The following HGSNAT variants were observed in gnomAD, a reference collection of about 807,000 sequenced individuals.
The protein encoded by HGSNAT is heparan-alpha-glucosaminide N-acetyltransferase, also known as transmembrane protein 76.
In HGSNAT, 59 loss-of-function variants were observed where a neutral mutation model predicts 85.2. The observed-to-expected ratio is 0.69, with a 90% CI of 0.56 to 0.86. The LOEUF (loss-of-function observed/expected upper bound fraction) is 0.86. Ranked by LOEUF, HGSNAT falls within the 40% of genes least tolerant of loss-of-function variation. HGSNAT has a pLI of 0.00. For missense variants in HGSNAT, 756 were observed against 777.1 expected (o/e 0.97, Z 0.32); for synonymous variants, 321 against 304.5 (o/e 1.05, Z -0.56).
intron 1 of HGSNAT, among the ~76,000 whole-genome samples, chr8:43,142,972 T>A (rs901562023): frequency 6.6e-6 from 1 of 152,206 alleles, no homozygotes; most frequent in African/African-American, 2.4e-5. Flanking sequence ...GAAAAGCTCA[T>A]GGCTTCATGG....
chr8:43,174,231 A>T (rs547853871), intron 9 of HGSNAT: 4 of 152,094 alleles, frequency 2.6e-5, no homozygotes, highest in Admixed American at 1.3e-4. Context: ...AAAAAAAAAT[A>T]AAAAAAATAA....
rs1394868057 is a variant in HGSNAT at position 43,197,030 on chromosome 8, G to A, written c.1542+5G>A. On this transcript the variant is annotated splice_donor_5th_base_variant and intron_variant, in intron 15 of 17. Coordinates refer to ENST00000379644, the MANE Select transcript of HGSNAT (RefSeq NM_152419.3). ...ACTGCTTGGTGTTGTATTCTTGTAA[G>A]TAAGCAGCATTCCTCGCTAAAATTC... 1.3e-6 allele frequency: 2 copies of A among 1,593,452 alleles called. No homozygotes were observed. The highest frequency in any genetic ancestry group is 1.7e-6 in the Non-Finnish European group (2 of 1,161,570).
At chr8:43,195,447 C>T (rs1804672802) in intron 14 of HGSNAT, among the ~76,000 whole-genome samples, 1 of 151,444 alleles carries the variant, frequency 6.6e-6, no homozygotes, top group Admixed American at 6.6e-5. Context: ...TGAAGATCTG[C>T]ATCTTCATCA....
intron 11 of HGSNAT, among the ~76,000 whole-genome samples, chr8:43,190,042 A>T (rs1265505950): frequency 6.6e-6 from 1 of 152,194 alleles, no homozygotes; most frequent in Non-Finnish European, 1.5e-5. Flanking sequence ...GTATCTGTTC[A>T]AATGCTGTAA....
At chr8:43,149,733 C>T (rs1802840568) in intron 2 of HGSNAT, among the ~76,000 whole-genome samples, 1 of 151,690 alleles carries the variant, frequency 6.6e-6, no homozygotes, top group Non-Finnish European at 1.5e-5. Context: ...AAATTTTAAG[C>T]AGATGTAGAT....
In HGSNAT at chr8:43,170,307, C is replaced by G. The variant is rs535206602; in HGVS notation, c.634-278C>G. On this transcript the variant is annotated intron_variant, in intron 6 of 17. Coordinates refer to ENST00000379644, the MANE Select transcript of HGSNAT (RefSeq NM_152419.3). ...CCAGCCTGACCAACATGATGAAACC[C>G]CATCTCTACTAAAAATACAAAAATT... 2.0e-5 allele frequency among the ~76,000 whole-genome samples: 3 copies of G among 151,962 alleles called. No individual in the cohort carries two copies. The South Asian group carries it at 6.2e-4, about 32-fold the overall frequency.
intron 5 of HGSNAT, among the ~76,000 whole-genome samples, chr8:43,161,740 C>T (rs545498652): frequency 1.3e-5 from 2 of 152,358 alleles, no homozygotes; most frequent in African/African-American, 2.4e-5. Context: ...CTTCCTCCCA[C>T]ATGGCTGAAG....
chr8:43,168,840 C>T (rs1019770645), intron 5 of HGSNAT, among the ~76,000 whole-genome samples: 1 of 152,022 alleles, frequency 6.6e-6, no homozygotes, highest in South Asian at 2.1e-4. Context: ...TGGTTGTTTC[C>T]AAGTTTTTGC....
At chr8:43,194,187 C>A in intron 14 of HGSNAT, 1 of 820,954 alleles carries the variant, frequency 1.2e-6, no homozygotes, top group Admixed American at 5.2e-5. Flanking sequence ...TGCTTGAGTC[C>A]GGGAGTTTGA....
At chr8:43,160,090 G>C (rs1014851926) in intron 4 of HGSNAT, among the ~76,000 whole-genome samples, 1 of 152,160 alleles carries the variant, frequency 6.6e-6, no homozygotes, top group Non-Finnish European at 1.5e-5. Flanking sequence ...GATGAGCAAG[G>C]CCTGCCTTCC....
At chr8:43,152,440 C>T (rs1802949902) in intron 2 of HGSNAT, among the ~76,000 whole-genome samples, 1 of 152,046 alleles carries the variant, frequency 6.6e-6, no homozygotes, top group Non-Finnish European at 1.5e-5. Flanking sequence ...GAAGTAAGAA[C>T]AAGCTGAGAA....
At chr8:43,184,206 G>A (rs956610692) in intron 11 of HGSNAT, among the ~76,000 whole-genome samples, 6 of 152,196 alleles carry the variant, frequency 3.9e-5, no homozygotes, top group Non-Finnish European at 7.3e-5. Flanking sequence ...CTGAGGAATC[G>A]CCATACTGAC....
chr8:43,152,103 C>T (rs1171383434), intron 2 of HGSNAT, among the ~76,000 whole-genome samples: 1 of 152,118 alleles, frequency 6.6e-6, no homozygotes, highest in East Asian at 1.9e-4. Context: ...CCAGCCTGAC[C>T]AACATGGTGA....
In HGSNAT at chr8:43,169,247, G is replaced by T; in HGVS notation, c.633+5G>T. On this transcript the variant is annotated splice_donor_5th_base_variant and intron_variant, in intron 6 of 17. Coordinates refer to ENST00000379644, the MANE Select transcript of HGSNAT (RefSeq NM_152419.3). ...ACTGATCGCCTCATCAATTCTGTAAGTTATGAGATGCATAGTGTATTGCCC... is the reference window on the plus strand; with the variant it reads ...ACTGATCGCCTCATCAATTCTGTAATTTATGAGATGCATAGTGTATTGCCC... The T allele has an allele frequency of 6.4e-7, 1 of 1,556,058 alleles. No individual in the cohort carries two copies.
chr8:43,171,834 C>T (rs937761521), intron 7 of HGSNAT, among the ~76,000 whole-genome samples: 4 of 152,198 alleles, frequency 2.6e-5, no homozygotes, highest in Non-Finnish European at 4.4e-5. Flanking sequence ...GGTTAGGGCA[C>T]TTTCTTTTAC....
At chr8:43,197,101 C>G in intron 15 of HGSNAT, 76 bp downstream of exon 15, 1 of 970,528 alleles carries the variant, frequency 1.0e-6, no homozygotes, top group Non-Finnish European at 1.6e-6. Context: ...AAATGTTTAG[C>G]AACACTGAGC....
At chr8:43,169,056 GT>G in intron 5 of HGSNAT, 116 bp from the exon 6 acceptor site, 1 of 504,172 alleles carries the variant, frequency 2.0e-6, no homozygotes, top group South Asian at 4.7e-5. Flanking sequence ...TGTTTAGAAT[GT>G]TTAATTACTT....
At chr8:43,154,905 C>G (rs758164015) in intron 2 of HGSNAT, among the ~76,000 whole-genome samples, 1 of 152,130 alleles carries the variant, frequency 6.6e-6, no homozygotes, top group African/African-American at 2.4e-5. Flanking sequence ...AAGATGGTAT[C>G]TCATTGTGGT....
At chr8:43,151,782 T>C (rs1387168712) in intron 2 of HGSNAT, among the ~76,000 whole-genome samples, 1 of 152,242 alleles carries the variant, frequency 6.6e-6, no homozygotes, top group African/African-American at 2.4e-5. Flanking sequence ...TTGCAGCTAC[T>C]GTTTCCTGAG....
Sources: allele counts gnomAD v4.1 joint callset (sites outside exome capture counted in the v4.1 genomes callset), GRCh38; gene constraint gnomAD v4.1.1; transcripts MANE v1.5; gene names NCBI Gene and HGNC (gene_info 2026-07-23, HGNC 2026-07-21).